SIK2: variants seen among roughly 807,000 people sequenced by gnomAD.
SIK2 encodes the protein salt inducible kinase 2, also known as serine/threonine-protein kinase SIK2.
SIK2 carries 29 observed loss-of-function variants against 103.2 expected under a neutral mutation model. That is an observed-to-expected ratio of 0.28 (90% CI 0.21 to 0.38). The LOEUF (loss-of-function observed/expected upper bound fraction) is 0.38, where lower values mean the gene tolerates loss of function less well. Among genes scored for constraint, SIK2 ranks in the 10% least tolerant of loss-of-function variants. The pLI is 1.00. For missense variants in SIK2, 879 were observed against 1,171.0 expected (o/e 0.75, Z 3.64); for synonymous variants, 412 against 446.1 (o/e 0.92, Z 0.96).
chr11:111,619,976 A>C (rs904134705), intron 2 of SIK2, among the ~76,000 whole-genome samples: 2 of 152,214 alleles, frequency 1.3e-5, no homozygotes, highest in Non-Finnish European at 2.9e-5. Flanking sequence ...TTCAAAACTT[A>C]TATTATCTAT....
At chr11:111,637,869 T>C (rs1013033683) in intron 3 of SIK2, among the ~76,000 whole-genome samples, 2 of 152,254 alleles carry the variant, frequency 1.3e-5, no homozygotes, top group Admixed American at 6.5e-5. Flanking sequence ...TCGTGTAGTC[T>C]TTCTTCTCTG....
chr11:111,693,344 A>AG, intron 4 of SIK2, among the ~76,000 whole-genome samples: 1 of 152,180 alleles, frequency 6.6e-6, no homozygotes, highest in East Asian at 1.9e-4. Context: ...AAAAAAAAAA[A>AG]AAACTTGAGA....
At chr11:111,649,424 G>C (rs543641580) in intron 3 of SIK2, among the ~76,000 whole-genome samples, 7 of 152,114 alleles carry the variant, frequency 4.6e-5, no homozygotes, top group African/African-American at 1.4e-4. Context: ...TACAGTACTT[G>C]AATATAGTAT....
intron 3 of SIK2, among the ~76,000 whole-genome samples, chr11:111,663,470 A>G (rs990298652): frequency 6.6e-6 from 1 of 152,110 alleles, no homozygotes; most frequent in Non-Finnish European, 1.5e-5. Context: ...ATGGGAAGGG[A>G]CAGGATATGG....
At chr11:111,649,055 C>G (rs1435670026) in intron 3 of SIK2, among the ~76,000 whole-genome samples, 1 of 152,182 alleles carries the variant, frequency 6.6e-6, no homozygotes, top group African/African-American at 2.4e-5. Context: ...TAAATTCTGT[C>G]AGGCTACACA....
At chr11:111,606,758 C>T (rs1221955530) in intron 1 of SIK2, among the ~76,000 whole-genome samples, 2 of 151,824 alleles carry the variant, frequency 1.3e-5, no homozygotes, top group African/African-American at 4.8e-5. Context: ...ATTATTTTTA[C>T]ATTAAAGAGT....
At chr11:111,611,086 ATGTGTGTGTG>A (rs113893092) in intron 1 of SIK2, among the ~76,000 whole-genome samples, 2 of 89,692 alleles carry the variant, frequency 2.2e-5, no homozygotes, top group African/African-American at 5.7e-5. Flanking sequence ...TCTCGACCAA[ATGTGTGTGTG>A]TGTGTGTGTG....
intron 3 of SIK2, among the ~76,000 whole-genome samples, chr11:111,666,362 G>T (rs574962913): frequency 5.9e-5 from 9 of 152,220 alleles, no homozygotes; most frequent in African/African-American, 1.7e-4. Flanking sequence ...TCTTTGTAGG[G>T]TTGGAAGAGT....
Position 111,726,866 on chromosome 11 carries a change from G to T in SIK2, c.*2737G>T. ...CCTGTAAACCAGGCTCCTCTGAAGAGACTTTGGTGAGATGAACGTGAGGTA... is the reference window on the plus strand; with the variant it reads ...CCTGTAAACCAGGCTCCTCTGAAGATACTTTGGTGAGATGAACGTGAGGTA... On this transcript the variant is annotated 3_prime_UTR_variant, in exon 15 of 15. Transcript: ENST00000304987. 9.3e-7 allele frequency: 1 copy of T among 1,076,512 alleles called. No individual in the cohort carries two copies. 66.7% of individuals were successfully genotyped at this position (1,076,512 alleles called of 1,614,324 possible).
chr11:111,665,560 A>G (rs1317822389), intron 3 of SIK2, among the ~76,000 whole-genome samples: 1 of 152,132 alleles, frequency 6.6e-6, no homozygotes, highest in Non-Finnish European at 1.5e-5. Context: ...GTGGTGGCTC[A>G]CGCCTGTAAT....
At chr11:111,664,570 C>T (rs914272802) in intron 3 of SIK2, among the ~76,000 whole-genome samples, 7 of 152,132 alleles carry the variant, frequency 4.6e-5, no homozygotes, top group Non-Finnish European at 7.4e-5. Flanking sequence ...GAGCCAAGAT[C>T]GCGCCACTGC....
chr11:111,643,415 G>A (rs185110743), intron 3 of SIK2, among the ~76,000 whole-genome samples: 8 of 151,768 alleles, frequency 5.3e-5, no homozygotes, highest in Non-Finnish European at 1.0e-4. Context: ...CATGGCACAC[G>A]TATACCTATG....
rs1407052489 is a variant in SIK2, at chr11:111,721,953, C to T, written c.2055+13C>T. The T allele has an allele frequency of 5.2e-6, 8 of 1,551,106 alleles. No individual in the cohort carries two copies. Among genetic ancestry groups the T allele is most frequent in the Non-Finnish European group, 7.0e-6 (8 of 1,145,314 alleles). ...GCACAGACTCCAGGTGGGTCCTTCT[C>T]CTTGCGAGTCCACCTCACTCTGCTC... On this transcript the variant is annotated intron_variant, in intron 13 of 14. Transcript: ENST00000304987.
intron 4 of SIK2, among the ~76,000 whole-genome samples, chr11:111,694,347 AG>A (rs1943021034): frequency 6.6e-6 from 1 of 152,172 alleles, no homozygotes; most frequent in Non-Finnish European, 1.5e-5. Flanking sequence ...TTTTGCTGAG[AG>A]AGACCTTAAA....
At chr11:111,613,535 C>T (rs1941758519) in intron 1 of SIK2, among the ~76,000 whole-genome samples, 1 of 151,994 alleles carries the variant, frequency 6.6e-6, no homozygotes, top group African/African-American at 2.4e-5. Flanking sequence ...CAAAGTTACC[C>T]AAAATAATGG....
chr11:111,647,040 A>G (rs1942266682), intron 3 of SIK2, among the ~76,000 whole-genome samples: 3 of 152,256 alleles, frequency 2.0e-5, no homozygotes, highest in Admixed American at 2.0e-4. Flanking sequence ...AAATATAAGT[A>G]TAGTTTTGTA....
intron 9 of SIK2, chr11:111,718,960 G>A (rs567317636): frequency 6.6e-6 from 1 of 152,406 alleles, no homozygotes; most frequent in East Asian, 1.9e-4. Context: ...CCATTAGGCA[G>A]TGTGCGTGGC....
chr11:111,676,883 T>C (rs1477583959), intron 3 of SIK2, among the ~76,000 whole-genome samples: 1 of 152,212 alleles, frequency 6.6e-6, no homozygotes, highest in Non-Finnish European at 1.5e-5. Flanking sequence ...TGGATGTATT[T>C]ATCTGTGTAA....
intron 9 of SIK2, among the ~76,000 whole-genome samples, chr11:111,716,232 AC>A (rs1943638525): frequency 6.6e-6 from 1 of 152,148 alleles, no homozygotes; most frequent in Non-Finnish European, 1.5e-5. Flanking sequence ...TTTCGTGTCT[AC>A]TTACATTTTT....
Sources: gnomAD v4.1 joint callset for allele counts (sites outside exome capture counted in the v4.1 genomes callset) on GRCh38, gnomAD v4.1.1 for gene constraint, MANE v1.5 for transcripts, NCBI Gene and HGNC (gene_info 2026-07-23, HGNC 2026-07-21) for gene names.